The following POM121 variants were observed in gnomAD, a reference collection of about 807,000 sequenced individuals.
POM121 encodes nuclear envelope pore membrane protein POM 121.
POM121 carries 32 observed loss-of-function variants against 81.3 expected under a neutral mutation model. The ratio of observed to expected loss-of-function variants is 0.39; its 90% confidence interval spans 0.30 to 0.53. POM121 has a LOEUF of 0.53. POM121 is among the 20% of genes least tolerant of loss of function. The pLI is 0.66. For synonymous variants in POM121, 514 were observed against 694.2 expected, an observed-to-expected ratio of 0.74 and a Z score of 4.08; for missense variants, 1,138 against 1,614.6, an observed-to-expected ratio of 0.70 and a Z score of 5.06.
At chr7:72,949,177 C>A (rs879962817), downstream of POM121, 4 of 1,276,548 alleles carry the variant, frequency 3.1e-6, no homozygotes, top group Admixed American at 3.4e-5. Flanking sequence ...CTGAAATCCT[C>A]GCTTCACAGA....
At chr7:72,933,378 G>T (rs1796211356) in intron 5 of POM121, among the ~76,000 whole-genome samples, 1 of 152,088 alleles carries the variant, frequency 6.6e-6, no homozygotes, top group Non-Finnish European at 1.5e-5. Flanking sequence ...TCTAATTTTT[G>T]TCTCTTATGA....
chr7:72,906,891 T>G (rs1291124217), intron 3 of POM121, among the ~76,000 whole-genome samples: 5 of 151,866 alleles, frequency 3.3e-5, no homozygotes, highest in African/African-American at 1.2e-4. Context: ...GGCCCCCTAA[T>G]GTACTGGGAT....
chr7:72,900,748 C>T (rs1792533450), intron 3 of POM121, among the ~76,000 whole-genome samples: 1 of 152,116 alleles, frequency 6.6e-6, no homozygotes, highest in Non-Finnish European at 1.5e-5. Flanking sequence ...AAGAGATCTG[C>T]CTGCCTCAGC....
intron 11 of POM121, among the ~76,000 whole-genome samples, chr7:72,944,652 G>T (rs1229535180): frequency 1.9e-3 from 281 of 151,042 alleles, no homozygotes; most frequent in East Asian, 3.3e-3. Flanking sequence ...AGGGGCAGCG[G>T]GTCAGTGCCC....
chr7:72,912,496 G>T (rs1160158186), intron 3 of POM121, among the ~76,000 whole-genome samples: 1 of 152,162 alleles, frequency 6.6e-6, no homozygotes, highest in Non-Finnish European at 1.5e-5. Flanking sequence ...GGGTTTTCTG[G>T]CCGGGCGTGG....
At chr7:72,948,904 G>C (rs369389490), downstream of POM121, 1 of 1,612,280 alleles carries the variant, frequency 6.2e-7, no homozygotes, top group Admixed American at 1.7e-5. Flanking sequence ...GAAGGCGCCC[G>C]GGTTCTGCTG....
upstream of POM121, among the ~76,000 whole-genome samples, chr7:72,920,318 G>T (rs1447004122): frequency 1.0e-4 from 15 of 150,418 alleles, no homozygotes; most frequent in African/African-American, 3.7e-4. Flanking sequence ...CCACACATTG[G>T]AAATTTTACC....
At chr7:72,889,191 C>G (rs1457309962) in intron 1 of POM121, among the ~76,000 whole-genome samples, 1 of 152,196 alleles carries the variant, frequency 6.6e-6, no homozygotes, top group African/African-American at 2.4e-5. Context: ...AGTTATTACT[C>G]TCTCTTGGTG....
upstream of POM121, among the ~76,000 whole-genome samples, chr7:72,924,106 G>GT (rs11341062): frequency 0.079 from 11,463 of 144,616 alleles, 491 homozygotes; most frequent in Non-Finnish European, 0.088. Context: ...GCCCGGCTAA[G>GT]TTTTTTTTTT....
At chr7:72,943,603 A>T (rs1423885969) in intron 11 of POM121, 81 bp downstream of exon 11, 28 of 1,520,360 alleles carry the variant, frequency 1.8e-5, no homozygotes, top group Non-Finnish European at 2.4e-5. Context: ...CGGGGAGCTT[A>T]TGCTGTGGCA....
At chr7:72,892,256 A>G (rs1392175901) in intron 3 of POM121, among the ~76,000 whole-genome samples, 1 of 152,200 alleles carries the variant, frequency 6.6e-6, no homozygotes, top group Non-Finnish European at 1.5e-5. Context: ...CTCCAAATTG[A>G]TATGTCTGAC....
chr7:72,922,418 A>C (rs1794898581), upstream of POM121, among the ~76,000 whole-genome samples: 1 of 151,860 alleles, frequency 6.6e-6, no homozygotes, highest in Non-Finnish European at 1.5e-5. Context: ...ATGGAGTCTC[A>C]CTCTGTTGCC....
chr7:72,886,530 G>A (rs1349682049), intron 1 of POM121, among the ~76,000 whole-genome samples: 1 of 152,050 alleles, frequency 6.6e-6, no homozygotes, highest in African/African-American at 2.4e-5. Context: ...TACCATTTCT[G>A]GTACTCCTCA....
chr7:72,893,697 C>T (rs1237164068), intron 3 of POM121, among the ~76,000 whole-genome samples: 9 of 152,126 alleles, frequency 5.9e-5, no homozygotes, highest in Non-Finnish European at 1.2e-4. Context: ...CGTTGTGTGC[C>T]GGGTTTTGTC....
At chr7:72,931,868 G>A (rs1586162004) in intron 5 of POM121, among the ~76,000 whole-genome samples, 2 of 152,226 alleles carry the variant, frequency 1.3e-5, no homozygotes, top group Admixed American at 1.3e-4. Flanking sequence ...ACCACGCCTG[G>A]CCCATGCAAT....
chr7:72,909,010 T>C (rs1793552748), intron 3 of POM121, among the ~76,000 whole-genome samples: 1 of 152,174 alleles, frequency 6.6e-6, no homozygotes, highest in African/African-American at 2.4e-5. Context: ...ACAAAAATAT[T>C]GATTGGGGAA....
At chr7:72,948,979 C>T (rs782256038), downstream of POM121, 16 of 1,610,788 alleles carry the variant, frequency 9.9e-6, no homozygotes, top group Middle Eastern at 1.6e-4. Flanking sequence ...GTAGACGAGC[C>T]GCTGCAGGGA....
intron 4 of POM121, among the ~76,000 whole-genome samples, chr7:72,917,449 G>A (rs1385346227): frequency 1.3e-5 from 2 of 149,412 alleles, no homozygotes; most frequent in Non-Finnish European, 2.9e-5. Flanking sequence ...TGACTGCCCT[G>A]CTTTCCCAGA....
intron 3 of POM121, among the ~76,000 whole-genome samples, chr7:72,908,086 T>G (rs1734873669): frequency 6.6e-6 from 1 of 152,228 alleles, no homozygotes; most frequent in Admixed American, 6.5e-5. Context: ...CCCATTGAGT[T>G]TTTTACTTAG....
Sources: gnomAD v4.1 joint callset for allele counts (sites outside exome capture counted in the v4.1 genomes callset) on GRCh38, gnomAD v4.1.1 for gene constraint, MANE v1.5 for transcripts, NCBI Gene and HGNC (gene_info 2026-07-23, HGNC 2026-07-21) for gene names.